Variants in KCNH8 observed in about 807,000 individuals in gnomAD.
The protein encoded by KCNH8 is potassium voltage-gated channel subfamily H member 8.
A neutral mutation model predicts 103.6 loss-of-function variants in KCNH8; 70 were observed. The observed-to-expected ratio is 0.68, with a 90% CI of 0.56 to 0.82. KCNH8 has a LOEUF of 0.82. Ranked by LOEUF, KCNH8 falls within the 40% of genes least tolerant of loss-of-function variation. KCNH8 has a pLI of 0.00. For synonymous variants in KCNH8, 498 were observed against 489.4 expected (o/e 1.02, Z -0.23); for missense variants, 1,217 against 1,329.9 (o/e 0.92, Z 1.32).
At chr3:19,226,182 T>A (rs1468249850) in intron 1 of KCNH8, among the ~76,000 whole-genome samples, 2 of 152,208 alleles carry the variant, frequency 1.3e-5, no homozygotes, top group African/African-American at 4.8e-5. Context: ...TGTTGAGCAG[T>A]GCTTCAACTG....
chr3:19,285,602 C>G (rs2064819894), intron 3 of KCNH8, among the ~76,000 whole-genome samples: 1 of 151,966 alleles, frequency 6.6e-6, no homozygotes, highest in African/African-American at 2.4e-5. Context: ...AAGTGCTTCA[C>G]ATAGGTGACT....
intron 3 of KCNH8, among the ~76,000 whole-genome samples, chr3:19,292,231 T>C (rs1435781458): frequency 6.6e-6 from 1 of 152,190 alleles, no homozygotes; most frequent in African/African-American, 2.4e-5. Flanking sequence ...GATAACAACA[T>C]CAGTTATCAT....
At chr3:19,387,723 G>A (rs9874099) in intron 5 of KCNH8, among the ~76,000 whole-genome samples, 87,817 of 151,736 alleles carry the variant, frequency 0.58, 26,849 homozygotes, top group African/African-American at 0.79. Context: ...AAAATTTTCA[G>A]GTATTTCAAA....
At chr3:19,152,608 C>T (rs2063141268) in intron 1 of KCNH8, among the ~76,000 whole-genome samples, 1 of 152,144 alleles carries the variant, frequency 6.6e-6, no homozygotes, top group Non-Finnish European at 1.5e-5. Flanking sequence ...TTATGCACTT[C>T]TATATAGCCT....
chr3:19,405,472 G>T lies in KCNH8; in HGVS notation c.1177+10161G>T, dbSNP rs141790902. Among the ~76,000 whole-genome samples, 23 of 151,766 alleles carry T rather than the reference G, an allele frequency of 1.5e-4. 1 individual carries two copies. The highest frequency in any genetic ancestry group is 5.1e-4 in the African/African-American group (21 of 41,454). ...TTCTCCCTGACTTCTAATATCCATA[G>T]TCTTTTTAGCTACTAGCTTGAGAAA... On this transcript the variant is annotated intron_variant, in intron 7 of 15. Coordinates refer to ENST00000328405, the MANE Select transcript of KCNH8 (RefSeq NM_144633.3).
intron 5 of KCNH8, among the ~76,000 whole-genome samples, chr3:19,381,449 G>A: frequency 6.6e-6 from 1 of 152,132 alleles, no homozygotes; most frequent in East Asian, 1.9e-4. Flanking sequence ...AGACATCACA[G>A]TGGAGTATCT....
Position 19,347,832 on chromosome 3 carries a change from G to T in KCNH8, c.678G>T (p.Trp226Cys). Residue 226 changes from tryptophan (W) to cysteine (C), a missense_variant, in exon 5 of 16, where the codon TGG (tryptophan) becomes TGT (cysteine). Trp to Cys is a radical substitution (Grantham distance 215, BLOSUM62 -2). Transcript: ENST00000328405. ...HFSTFKAGWD[W>C]LILLATFYVA... Reference sequence around the variant, plus strand: ...GCACTTTTAAAGCTGGCTGGGACTGGCTTATTTTGTTGGCAACGTTTTATG... The same window carrying T: ...GCACTTTTAAAGCTGGCTGGGACTGTCTTATTTTGTTGGCAACGTTTTATG... 6.2e-7 allele frequency: 1 copy of T among 1,613,344 alleles called. No individual in the cohort carries two copies. The highest frequency in any genetic ancestry group is 1.3e-5 in the African/African-American group (1 of 74,950).
intron 1 of KCNH8, among the ~76,000 whole-genome samples, chr3:19,249,717 A>G (rs978000066): frequency 8.5e-5 from 13 of 152,220 alleles, no homozygotes; most frequent in Admixed American, 1.3e-4. Context: ...CTAAATATTT[A>G]AAAATAGGCA....
intron 13 of KCNH8, among the ~76,000 whole-genome samples, 194 bp from the exon 14 acceptor site, chr3:19,515,128 G>A (rs775922007): frequency 7.3e-5 from 11 of 150,864 alleles, no homozygotes; most frequent in South Asian, 4.2e-4. Context: ...TAATTCTTAC[G>A]GCACATCTCA....
intron 1 of KCNH8, among the ~76,000 whole-genome samples, chr3:19,209,023 T>C (rs2063743558): frequency 1.3e-5 from 2 of 151,996 alleles, no homozygotes; most frequent in African/African-American, 4.8e-5. Context: ...TCTATATCTA[T>C]ACCTGTCTCT....
intron 2 of KCNH8, among the ~76,000 whole-genome samples, chr3:19,255,634 T>G (rs1403632091): frequency 6.6e-6 from 1 of 152,028 alleles, no homozygotes; most frequent in East Asian, 1.9e-4. Flanking sequence ...CCTGCACATG[T>G]ATCCTGGAAG....
intron 1 of KCNH8, among the ~76,000 whole-genome samples, chr3:19,162,434 G>A (rs531305202): frequency 3.3e-5 from 5 of 152,036 alleles, no homozygotes; most frequent in Middle Eastern, 6.8e-3. Context: ...TTGATCCTGG[G>A]AGGTGGAGGT....
chr3:19,238,534 T>C (rs746628866), intron 1 of KCNH8, among the ~76,000 whole-genome samples: 3 of 152,234 alleles, frequency 2.0e-5, no homozygotes, highest in Non-Finnish European at 4.4e-5. Context: ...TAATAACTTT[T>C]TATGATTTAA....
At chr3:19,347,704 C>CAG in intron 4 of KCNH8, 21 bp from the exon 5 acceptor site, 1 of 1,610,842 alleles carries the variant, frequency 6.2e-7, no homozygotes, top group Non-Finnish European at 8.5e-7. Flanking sequence ...TCCTTTCTCT[C>CAG]CTTTTTGTCT....
At chr3:19,294,545 A>G (rs1018135719) in intron 3 of KCNH8, among the ~76,000 whole-genome samples, 1 of 152,228 alleles carries the variant, frequency 6.6e-6, no homozygotes, top group Non-Finnish European at 1.5e-5. Context: ...CAGATATGTG[A>G]TGGCACTGGA....
At chr3:19,246,561 C>T (rs2064209814) in intron 1 of KCNH8, among the ~76,000 whole-genome samples, 1 of 152,072 alleles carries the variant, frequency 6.6e-6, no homozygotes, top group African/African-American at 2.4e-5. Context: ...AGGCGTGAGT[C>T]ACCACGCCCA....
intron 5 of KCNH8, among the ~76,000 whole-genome samples, chr3:19,386,378 TG>T (rs1377953100): frequency 1.1e-4 from 16 of 152,302 alleles, no homozygotes; most frequent in Admixed American, 3.3e-4. Context: ...GGGTATATTA[TG>T]ATTAGTTTTT....
At chr3:19,371,601 G>A (rs1397552596) in intron 5 of KCNH8, among the ~76,000 whole-genome samples, 2 of 150,164 alleles carry the variant, frequency 1.3e-5, no homozygotes, top group Non-Finnish European at 3.0e-5. Flanking sequence ...CTGTGCAGAA[G>A]CTCTTTAGTT....
intron 11 of KCNH8, among the ~76,000 whole-genome samples, chr3:19,479,718 A>ACTT (rs2068050140): frequency 6.6e-6 from 1 of 152,176 alleles, no homozygotes; most frequent in Non-Finnish European, 1.5e-5. Flanking sequence ...ATTATATGAT[A>ACTT]CTTATTATGA....
Sources: gnomAD v4.1 joint callset for allele counts (sites outside exome capture counted in the v4.1 genomes callset) on GRCh38, gnomAD v4.1.1 for gene constraint, MANE v1.5 for transcripts, NCBI Gene and HGNC (gene_info 2026-07-23, HGNC 2026-07-21) for gene names.